Variants in PTPRN2 observed in about 807,000 individuals in gnomAD.
The protein encoded by PTPRN2 is receptor-type tyrosine-protein phosphatase N2.
A neutral mutation model predicts 118.8 loss-of-function variants in PTPRN2; 74 were observed. The observed-to-expected ratio is 0.62, with a 90% CI of 0.52 to 0.76. The LOEUF (loss-of-function observed/expected upper bound fraction) is 0.76, where lower values mean the gene tolerates loss of function less well. Among genes scored for constraint, PTPRN2 ranks in the 30% least tolerant of loss-of-function variants. The pLI, the probability that PTPRN2 is intolerant of heterozygous loss-of-function variation, is 0.00. For missense variants in PTPRN2, 1,481 were observed against 1,394.4 expected, an observed-to-expected ratio of 1.06 and a Z score of -0.99; for synonymous variants, 641 against 608.0, an observed-to-expected ratio of 1.05 and a Z score of -0.80.
intron 3 of PTPRN2, among the ~76,000 whole-genome samples, chr7:158,298,485 G>T (rs1490470833): frequency 1.3e-5 from 2 of 152,172 alleles, no homozygotes; most frequent in Non-Finnish European, 2.9e-5. Flanking sequence ...AATTACTTGT[G>T]TTTCCTTATA....
intron 11 of PTPRN2, among the ~76,000 whole-genome samples, chr7:157,998,383 C>T (rs532228110): frequency 1.3e-5 from 2 of 152,304 alleles, no homozygotes; most frequent in African/African-American, 2.4e-5. Context: ...GCTCTGACCA[C>T]GCCATCCATC....
At chr7:157,877,913 G>A (rs1347687792) in intron 12 of PTPRN2, among the ~76,000 whole-genome samples, 13 of 152,212 alleles carry the variant, frequency 8.5e-5, no homozygotes, top group Admixed American at 8.5e-4. Flanking sequence ...TCAGGGGTGA[G>A]ATTTTAAAAT....
chr7:157,934,072 C>T (rs1165331413), intron 11 of PTPRN2, among the ~76,000 whole-genome samples: 2 of 152,180 alleles, frequency 1.3e-5, no homozygotes, highest in Non-Finnish European at 1.5e-5. Flanking sequence ...TTGTCGAGAA[C>T]ACCAGGGACA....
At chr7:157,922,224 G>A (rs923701837) in intron 11 of PTPRN2, among the ~76,000 whole-genome samples, 1 of 152,198 alleles carries the variant, frequency 6.6e-6, no homozygotes, top group African/African-American at 2.4e-5. Context: ...TGACTCTACT[G>A]ACCAGGATTC....
At chr7:157,722,394 A>C (rs1799289667) in intron 12 of PTPRN2, among the ~76,000 whole-genome samples, 1 of 152,196 alleles carries the variant, frequency 6.6e-6, no homozygotes, top group South Asian at 2.1e-4. Flanking sequence ...AGCCAGGGCC[A>C]GGGGCAGGGC....
At chr7:158,208,345 C>T (rs574190558) in intron 3 of PTPRN2, among the ~76,000 whole-genome samples, 50 of 152,110 alleles carry the variant, frequency 3.3e-4, no homozygotes, top group Non-Finnish European at 5.9e-4. Context: ...TACCTCAAGA[C>T]ATTTAATTAT....
intron 1 of PTPRN2, among the ~76,000 whole-genome samples, chr7:158,580,147 C>T (rs1194324218): frequency 2.0e-5 from 3 of 152,216 alleles, no homozygotes; most frequent in African/African-American, 4.8e-5. Flanking sequence ...ATGGAGCTTG[C>T]GCTGGTGTGC....
At chr7:158,071,529 C>A in intron 11 of PTPRN2, among the ~76,000 whole-genome samples, 2 of 117,608 alleles carry the variant, frequency 1.7e-5, no homozygotes, top group Admixed American at 8.9e-5. Flanking sequence ...GGTGGAGATG[C>A]TCGTGATGAT....
intron 10 of PTPRN2, among the ~76,000 whole-genome samples, chr7:158,108,702 G>A (rs1247387275): frequency 2.0e-5 from 3 of 152,224 alleles, no homozygotes; most frequent in Non-Finnish European, 2.9e-5. Context: ...TCTGATCCCA[G>A]GCTGGCTGGG....
intron 11 of PTPRN2, among the ~76,000 whole-genome samples, chr7:157,950,408 C>T (rs953271222): frequency 9.2e-5 from 14 of 151,970 alleles, no homozygotes; most frequent in Non-Finnish European, 1.2e-4. Flanking sequence ...TTGGGTGGGT[C>T]GAATGCTCAC....
intron 11 of PTPRN2, among the ~76,000 whole-genome samples, chr7:157,951,669 C>T (rs868448651): frequency 1.2e-4 from 19 of 152,236 alleles, no homozygotes; most frequent in South Asian, 2.1e-4. Context: ...CCTCCGCTTC[C>T]GCAGTCTTCA....
intron 9 of PTPRN2, among the ~76,000 whole-genome samples, chr7:158,129,282 A>T (rs1261646738): frequency 6.6e-6 from 1 of 150,812 alleles, no homozygotes; most frequent in Admixed American, 6.6e-5. Flanking sequence ...CACACCACAC[A>T]CAACACATAA....
chr7:158,507,188 G>A (rs1376858492), intron 1 of PTPRN2, among the ~76,000 whole-genome samples: 1 of 152,278 alleles, frequency 6.6e-6, no homozygotes, highest in Non-Finnish European at 1.5e-5. Flanking sequence ...GGATGTCAGT[G>A]AGGACCGTCC....
intron 16 of PTPRN2, among the ~76,000 whole-genome samples, chr7:157,597,826 A>C (rs972788455): frequency 6.6e-6 from 1 of 152,228 alleles, no homozygotes; most frequent in African/African-American, 2.4e-5. Context: ...TGTGGGGGCC[A>C]CTGGGAAGGC....
rs1795557359 is a variant in PTPRN2 at position 157,874,007 on chromosome 7, TC to T, written c.1788+24665del. Among the ~76,000 whole-genome samples the T allele has an allele frequency of 6.6e-6, 1 of 152,152 alleles. No homozygotes were observed. The highest frequency in any genetic ancestry group is 1.5e-5 in the Non-Finnish European group (1 of 68,034). On this transcript the variant is annotated intron_variant, in intron 12 of 22. Coordinates refer to ENST00000389418, the MANE Select transcript of PTPRN2 (RefSeq NM_002847.5). The surrounding 1 kb of genome is among the most constrained non-coding windows in gnomAD (Gnocchi z 5.8). ...CAAAGTCCCAGGACCCTGAGCAGCCTCGGGAAGAGCTCTCGGGACCTCGGGG... is the reference window on the plus strand; with the variant it reads ...CAAAGTCCCAGGACCCTGAGCAGCCTGGGAAGAGCTCTCGGGACCTCGGGG...
At chr7:157,728,662 T>C (rs1257326776) in intron 12 of PTPRN2, among the ~76,000 whole-genome samples, 1 of 152,238 alleles carries the variant, frequency 6.6e-6, no homozygotes, top group Non-Finnish European at 1.5e-5. Flanking sequence ...CCTCAAAACC[T>C]GCCTGTCTGC....
chr7:158,586,750 G>C lies in PTPRN2; in HGVS notation c.112+808C>G, dbSNP rs796446552. Reference sequence around the variant, plus strand: ...AATGTCCTCTGATTTCGGCGGCGCTGCCCGCGGGGGGGTGCGGGGGACGCA... The same window carrying C: ...AATGTCCTCTGATTTCGGCGGCGCTCCCCGCGGGGGGGTGCGGGGGACGCA... On this transcript the variant is annotated intron_variant, in intron 1 of 22. Coordinates refer to ENST00000389418, the MANE Select transcript of PTPRN2 (RefSeq NM_002847.5). Among the ~76,000 whole-genome samples, 141 of 152,322 alleles carry C rather than the reference G, an allele frequency of 9.3e-4. 1 individual carries two copies. Among genetic ancestry groups the C allele is most frequent in the African/African-American group, 3.1e-3 (130 of 41,570 alleles).
At chr7:157,578,823 C>T (rs1183215556) in intron 17 of PTPRN2, among the ~76,000 whole-genome samples, 1 of 152,258 alleles carries the variant, frequency 6.6e-6, no homozygotes, top group Non-Finnish European at 1.5e-5. Flanking sequence ...TGTAAACCCA[C>T]ATCTTAACAT....
At chr7:158,558,991 G>A (rs965649149) in intron 1 of PTPRN2, among the ~76,000 whole-genome samples, 4 of 152,010 alleles carry the variant, frequency 2.6e-5, no homozygotes, top group Admixed American at 6.6e-5. Flanking sequence ...AGCAGGGAGG[G>A]GCCACACTGG....
Sources: allele counts gnomAD v4.1 joint callset (sites outside exome capture counted in the v4.1 genomes callset), GRCh38; gene constraint gnomAD v4.1.1; non-coding constraint Gnocchi (gnomAD v3.1); transcripts MANE v1.5; gene names NCBI Gene and HGNC (gene_info 2026-07-23, HGNC 2026-07-21).